RASA2: variants seen among roughly 807,000 people sequenced by gnomAD.
The protein encoded by RASA2 is ras GTPase-activating protein 2.
In RASA2, 155 loss-of-function variants were observed where a neutral mutation model predicts 118.2. The observed-to-expected ratio is 1.31, with a 90% CI of 1.15 to 1.50. The LOEUF is 1.50. RASA2 is among the 40% of genes most tolerant of loss of function. The pLI, the probability that RASA2 is intolerant of heterozygous loss-of-function variation, is 0.00. For synonymous variants in RASA2, 353 were observed against 349.1 expected (o/e 1.01, Z -0.12); for missense variants, 1,016 against 1,009.6 (o/e 1.01, Z -0.09).
chr3:141,518,312 G>A (rs1432091396), intron 3 of RASA2, among the ~76,000 whole-genome samples: 1 of 150,934 alleles, frequency 6.6e-6, no homozygotes, highest in Non-Finnish European at 1.5e-5. Context: ...TGGTGAAACT[G>A]TCTCTACTAA....
intron 9 of RASA2, among the ~76,000 whole-genome samples, chr3:141,567,941 G>A (rs1392452101): frequency 6.6e-6 from 1 of 152,190 alleles, no homozygotes; most frequent in Non-Finnish European, 1.5e-5. Context: ...ACAGAGGACT[G>A]AGAGAGAGAA....
intron 1 of RASA2, among the ~76,000 whole-genome samples, chr3:141,498,945 A>C (rs1178740938): frequency 6.6e-6 from 1 of 152,176 alleles, no homozygotes; most frequent in Non-Finnish European, 1.5e-5. Flanking sequence ...GGGAGCTTGT[A>C]GATCAGCACA....
At chr3:141,565,123 C>T (rs1577745461) in intron 9 of RASA2, among the ~76,000 whole-genome samples, 1 of 152,072 alleles carries the variant, frequency 6.6e-6, no homozygotes, top group East Asian at 1.9e-4. Flanking sequence ...GTAGCTGGGA[C>T]TACAGGCCTG....
chr3:141,527,883 T>C (rs757834663), intron 3 of RASA2, among the ~76,000 whole-genome samples: 1 of 151,956 alleles, frequency 6.6e-6, no homozygotes, highest in Non-Finnish European at 1.5e-5. Flanking sequence ...TTATCTTAAA[T>C]TTAACCAAAA....
chr3:141,565,568 G>C (rs1483173579), intron 9 of RASA2, among the ~76,000 whole-genome samples: 1 of 152,108 alleles, frequency 6.6e-6, no homozygotes, highest in African/African-American at 2.4e-5. Context: ...AGTCTCATGA[G>C]ATCTGATGGT....
At chr3:141,496,255 T>C (rs200929199) in intron 1 of RASA2, among the ~76,000 whole-genome samples, 2,256 of 152,286 alleles carry the variant, frequency 0.015, 22 homozygotes, top group South Asian at 0.052. Flanking sequence ...GACATAGGCA[T>C]GGGCAAGGAC....
chr3:141,516,331 A>AT lies in RASA2; in HGVS notation c.260dup (p.Ser88GlnfsTer2). 6.4e-7 allele frequency: 1 copy of AT among 1,552,886 alleles called. No individual in the cohort carries two copies. On this transcript the variant is annotated frameshift_variant, in exon 3 of 24. Coordinates refer to ENST00000286364, the MANE Select transcript of RASA2 (RefSeq NM_006506.5). LOFTEE classifies it high-confidence loss of function. ...TGAGCTTTCCTTTTCTTTCTAGCCC[A>AT]TTTTTCAGTGAAGAATTTTACTTTG...
chr3:141,559,881 T>C lies in RASA2; in HGVS notation c.762-13T>C. The C allele has an allele frequency of 6.2e-7, 1 of 1,609,486 alleles. No homozygotes were observed. Among genetic ancestry groups the C allele is most frequent in the South Asian group, 1.1e-5 (1 of 90,916 alleles). ...ATTGTTTGCAAAACATAAAGCCAGT[T>C]TTCAATTTTCAGGATCGACTTGTGG... On this transcript the variant is annotated splice_polypyrimidine_tract_variant and intron_variant, in intron 8 of 23. Coordinates refer to ENST00000286364, the MANE Select transcript of RASA2 (RefSeq NM_006506.5).
intron 9 of RASA2, 116 bp from the exon 10 acceptor site, chr3:141,570,796 A>G (rs1246062365): frequency 6.5e-6 from 6 of 916,916 alleles, no homozygotes; most frequent in Non-Finnish European, 9.7e-6. Flanking sequence ...AAGCTTCCTA[A>G]CTGTAAATAC....
At chr3:141,577,591 C>T (rs1312153474) in intron 15 of RASA2, among the ~76,000 whole-genome samples, 2 of 151,994 alleles carry the variant, frequency 1.3e-5, no homozygotes, top group Non-Finnish European at 2.9e-5. Flanking sequence ...TTAGAAACAG[C>T]ATCTAAGATA....
At chr3:141,612,130 G>T (rs1396370676) in intron 23 of RASA2, among the ~76,000 whole-genome samples, 153 bp from the exon 24 acceptor site, 1 of 152,158 alleles carries the variant, frequency 6.6e-6, no homozygotes, top group Admixed American at 6.5e-5. Flanking sequence ...GATTGAATAG[G>T]TGGTCAGTAA....
intron 19 of RASA2, 74 bp downstream of exon 19, chr3:141,586,826 T>C: frequency 8.7e-7 from 1 of 1,150,578 alleles, no homozygotes; most frequent in South Asian, 1.3e-5. Flanking sequence ...TTATTGTGAC[T>C]CTAGTGAATC....
chr3:141,577,585 A>G (rs1231646373), intron 15 of RASA2, among the ~76,000 whole-genome samples: 1 of 152,208 alleles, frequency 6.6e-6, no homozygotes, highest in East Asian at 1.9e-4. Flanking sequence ...TTTAATTTAG[A>G]AACAGCATCT....
At chr3:141,594,016 CG>C (rs2083326063) in intron 19 of RASA2, among the ~76,000 whole-genome samples, 1 of 151,964 alleles carries the variant, frequency 6.6e-6, no homozygotes. Context: ...CAGACGTGAA[CG>C]TTAAAGCCTC....
intron 23 of RASA2, among the ~76,000 whole-genome samples, chr3:141,611,889 A>C (rs927990683): frequency 6.6e-6 from 1 of 152,160 alleles, no homozygotes; most frequent in Admixed American, 6.5e-5. Flanking sequence ...GGAAGTTTCC[A>C]TATGAGATCC....
intron 1 of RASA2, among the ~76,000 whole-genome samples, chr3:141,505,002 A>G (rs1323051340): frequency 6.6e-6 from 1 of 152,142 alleles, no homozygotes. Flanking sequence ...TCCTTCAGGT[A>G]TCTGCTTAAA....
chr3:141,505,348 A>G (rs79267253), intron 1 of RASA2, among the ~76,000 whole-genome samples: 2,874 of 152,332 alleles, frequency 0.019, 44 homozygotes, highest in Non-Finnish European at 0.027. Flanking sequence ...ACAAAACAAT[A>G]TGATCACTGT....
In RASA2 at chr3:141,512,281, G is replaced by A. The variant is rs753736149; in HGVS notation, c.251+1G>A. 1 of 1,556,492 alleles carries A rather than the reference G, an allele frequency of 6.4e-7. No individual in the cohort carries two copies. The highest frequency in any genetic ancestry group is 8.7e-7 in the Non-Finnish European group (1 of 1,148,218). On this transcript the variant is annotated splice_donor_variant, in intron 2 of 23. Coordinates refer to ENST00000286364, the MANE Select transcript of RASA2 (RefSeq NM_006506.5). LOFTEE classifies it high-confidence loss of function. The stretch of plus-strand genomic sequence containing the variant: ...CCCAAGTTGTGGAAAAATCTTTAAG[G>A]TTGGTAGAAAAAATTGGTAAATTAT...
At chr3:141,528,925 A>G (rs1267700103) in intron 3 of RASA2, among the ~76,000 whole-genome samples, 1 of 152,008 alleles carries the variant, frequency 6.6e-6, no homozygotes, top group African/African-American at 2.4e-5. Context: ...TTTTGTGTAG[A>G]ATCCTGGAAT....
Sources: gnomAD v4.1 joint callset for allele counts (sites outside exome capture counted in the v4.1 genomes callset) on GRCh38, gnomAD v4.1.1 for gene constraint, MANE v1.5 for transcripts, NCBI Gene and HGNC (gene_info 2026-07-23, HGNC 2026-07-21) for gene names.